ZFPM2: variants seen among roughly 807,000 people sequenced by gnomAD.
The protein encoded by ZFPM2 is zinc finger protein ZFPM2.
A neutral mutation model predicts 98.6 loss-of-function variants in ZFPM2; 20 were observed. The ratio of observed to expected loss-of-function variants is 0.20; its 90% confidence interval spans 0.14 to 0.29. The LOEUF (loss-of-function observed/expected upper bound fraction) is 0.29. Among genes scored for constraint, ZFPM2 ranks in the 10% least tolerant of loss-of-function variants. The pLI, the probability that ZFPM2 is intolerant of heterozygous loss-of-function variation, is 1.00. For synonymous variants in ZFPM2, 518 were observed against 502.7 expected (o/e 1.03, Z -0.41); for missense variants, 1,310 against 1,388.6 (o/e 0.94, Z 0.90).
At chr8:105,713,611 T>G (rs1811453018) in intron 5 of ZFPM2, among the ~76,000 whole-genome samples, 1 of 151,756 alleles carries the variant, frequency 6.6e-6, no homozygotes, top group Non-Finnish European at 1.5e-5. Flanking sequence ...GTCTTACATT[T>G]AAGTCTTTAA....
chr8:105,666,196 G>C (rs568958835), intron 5 of ZFPM2, among the ~76,000 whole-genome samples: 1 of 152,194 alleles, frequency 6.6e-6, no homozygotes, highest in Admixed American at 6.5e-5. Flanking sequence ...TGAGACCACT[G>C]CCATCTCACA....
intron 4 of ZFPM2, among the ~76,000 whole-genome samples, chr8:105,599,006 C>A (rs1276581176): frequency 1.3e-5 from 2 of 152,140 alleles, no homozygotes; most frequent in Non-Finnish European, 2.9e-5. Context: ...AGATTCTAAT[C>A]ACACTAGCTA....
intron 5 of ZFPM2, among the ~76,000 whole-genome samples, chr8:105,684,395 A>G (rs1254019082): frequency 6.6e-6 from 1 of 152,068 alleles, no homozygotes; most frequent in Non-Finnish European, 1.5e-5. Flanking sequence ...ACCTTGAGAT[A>G]TTGGCTTCTA....
At chr8:105,754,681 CT>C (rs35895775) in intron 5 of ZFPM2, among the ~76,000 whole-genome samples, 17,033 of 146,728 alleles carry the variant, frequency 0.12, 1,162 homozygotes, top group East Asian at 0.34. Flanking sequence ...TAGTAGCAAC[CT>C]TTTTTTTTTT....
At chr8:105,745,547 T>C (rs780030482) in intron 5 of ZFPM2, among the ~76,000 whole-genome samples, 30 of 152,134 alleles carry the variant, frequency 2.0e-4, no homozygotes, top group Non-Finnish European at 4.0e-4. Context: ...CAGGATAGGA[T>C]ATGTTTTATT....
chr8:105,670,810 C>CT (rs1453515356), intron 5 of ZFPM2, among the ~76,000 whole-genome samples: 3 of 152,122 alleles, frequency 2.0e-5, no homozygotes, highest in Non-Finnish European at 4.4e-5. Context: ...CTTTAAAACC[C>CT]TTTGTATTAT....
chr8:105,444,784 T>C (rs1436542797), intron 3 of ZFPM2, among the ~76,000 whole-genome samples: 4 of 152,260 alleles, frequency 2.6e-5, no homozygotes, highest in Non-Finnish European at 5.9e-5. Flanking sequence ...CCTCAATACA[T>C]ATTTAGAAGT....
At chr8:105,516,483 A>G (rs1256076346) in intron 3 of ZFPM2, among the ~76,000 whole-genome samples, 1 of 152,244 alleles carries the variant, frequency 6.6e-6, no homozygotes, top group African/African-American at 2.4e-5. Flanking sequence ...ATACTTTTAG[A>G]TAACCCTGAA....
intron 1 of ZFPM2, among the ~76,000 whole-genome samples, chr8:105,350,812 C>T (rs1371749320): frequency 2.0e-5 from 3 of 152,076 alleles, no homozygotes; most frequent in Non-Finnish European, 2.9e-5. Context: ...CACAGTTGAA[C>T]TATATAGTCC....
chr8:105,431,207 C>T lies in ZFPM2; in HGVS notation c.199+11905C>T, dbSNP rs200453381. On this transcript the variant is annotated intron_variant, in intron 2 of 7. Transcript: ENST00000407775. Reference sequence around the variant, plus strand: ...ACAGGCATGAGCCACCACACCTGGCCCACAACTTATTTTTATGATGTGGTC... The same window carrying T: ...ACAGGCATGAGCCACCACACCTGGCTCACAACTTATTTTTATGATGTGGTC... 2.6e-5 allele frequency among the ~76,000 whole-genome samples: 4 copies of T among 152,178 alleles called. No homozygotes were observed. In the East Asian group the frequency reaches 7.7e-4, roughly 29 times the overall value.
intron 5 of ZFPM2, among the ~76,000 whole-genome samples, chr8:105,682,181 A>G (rs941369722): frequency 9.8e-5 from 15 of 152,298 alleles, no homozygotes; most frequent in African/African-American, 3.6e-4. Flanking sequence ...GCCACTCTGT[A>G]ATAAGTATCA....
intron 3 of ZFPM2, among the ~76,000 whole-genome samples, chr8:105,479,436 T>A (rs1243469608): frequency 6.6e-6 from 1 of 152,242 alleles, no homozygotes; most frequent in Admixed American, 6.5e-5. Flanking sequence ...TTCTGGCTTC[T>A]GATTCTGCAC....
chr8:105,606,885 ATTTG>A (rs1373834516), intron 4 of ZFPM2, among the ~76,000 whole-genome samples: 4 of 152,146 alleles, frequency 2.6e-5, no homozygotes, highest in South Asian at 2.1e-4. Flanking sequence ...TCTTTCCACA[ATTTG>A]TTTGTTTGTT....
chr8:105,369,941 A>G (rs575977554), intron 1 of ZFPM2, among the ~76,000 whole-genome samples: 2 of 152,314 alleles, frequency 1.3e-5, no homozygotes, highest in African/African-American at 4.8e-5. Context: ...GTTTGTGATT[A>G]TAACAGTGAA....
intron 3 of ZFPM2, among the ~76,000 whole-genome samples, chr8:105,531,058 A>C (rs528570536): frequency 6.6e-6 from 1 of 152,236 alleles, no homozygotes; most frequent in Non-Finnish European, 1.5e-5. Flanking sequence ...ACAGTGGTAG[A>C]GGCCTAGATT....
Position 105,318,926 on chromosome 8 carries a change from A to C in ZFPM2, c.-16A>C. ...CGGGCACCGCGGGAGCCCCAGCGGC[A>C]GCAGCCGCCGCCGAGATGTCCCGGC... On this transcript the variant is annotated 5_prime_UTR_variant, in exon 1 of 8. Transcript: ENST00000407775. 1.4e-6 allele frequency: 2 copies of C among 1,410,302 alleles called. No homozygotes were observed. Among genetic ancestry groups the C allele is most frequent in the South Asian group, 2.9e-5 (2 of 69,046 alleles). The allele number at this position is 1,410,302 out of a possible 1,614,324, so 87.4% of individuals were successfully genotyped here. A position where few individuals can be genotyped will look rare whatever the true frequency, so the allele number is the denominator to read the frequency against.
intron 3 of ZFPM2, among the ~76,000 whole-genome samples, chr8:105,542,807 A>G (rs1158407093): frequency 6.6e-6 from 1 of 152,184 alleles, no homozygotes; most frequent in Non-Finnish European, 1.5e-5. Context: ...ATGGTTACCA[A>G]TTTTTAAAAC....
At chr8:105,664,730 A>G (rs1000419385) in intron 5 of ZFPM2, among the ~76,000 whole-genome samples, 2 of 152,154 alleles carry the variant, frequency 1.3e-5, no homozygotes, top group African/African-American at 4.8e-5. Flanking sequence ...AAATACTTTA[A>G]ATTGTTTTTG....
At chr8:105,470,380 C>T (rs2130344338) in intron 3 of ZFPM2, among the ~76,000 whole-genome samples, 1 of 152,228 alleles carries the variant, frequency 6.6e-6, no homozygotes, top group African/African-American at 2.4e-5. Flanking sequence ...CTATGTCTAC[C>T]TTATAGGGTT....
Sources: gnomAD v4.1 joint callset for allele counts (sites outside exome capture counted in the v4.1 genomes callset) on GRCh38, gnomAD v4.1.1 for gene constraint, MANE v1.5 for transcripts, NCBI Gene and HGNC (gene_info 2026-07-23, HGNC 2026-07-21) for gene names.